UCP2: variants seen among roughly 807,000 people sequenced by gnomAD.
UCP2 encodes dicarboxylate carrier SLC25A8.
In UCP2, 27 loss-of-function variants were observed where a neutral mutation model predicts 31.3. The ratio of observed to expected loss-of-function variants is 0.86; its 90% confidence interval spans 0.64 to 1.19. The LOEUF is 1.19. UCP2 is among the 50% of genes most tolerant of loss of function. The pLI is 0.00. For missense variants in UCP2, 377 were observed against 413.5 expected, an observed-to-expected ratio of 0.91 and a Z score of 0.76; for synonymous variants, 142 against 157.4, an observed-to-expected ratio of 0.90 and a Z score of 0.73.
At position 73,976,730 on chromosome 11, in the gene UCP2, T is replaced by C. The variant is rs750203522; in HGVS notation, c.545A>G (p.Asn182Ser). 2.9e-5 allele frequency: 47 copies of C among 1,613,950 alleles called. No homozygotes were observed. The highest frequency in any genetic ancestry group is 6.7e-5 in the Admixed American group (4 of 59,990). The part of the protein sequence containing the change: ...FRGLWKGTSP[N>S]VARNAIVNCA... ...GTTGACAATGGCATTACGAGCAACA[T>C]TGGGAGAGGTCCCTGTAGGAGGAGG... Residue 182 changes from asparagine to serine, a missense_variant, in exon 6 of 8, where the codon AAT (asparagine) becomes AGT (serine). Asn to Ser is a conservative substitution (Grantham distance 46, BLOSUM62 1). Coordinates refer to ENST00000663595, the MANE Select transcript of UCP2 (RefSeq NM_003355.3).
intron 2 of UCP2, among the ~76,000 whole-genome samples, chr11:73,979,078 TG>T (rs1214935124): frequency 2.0e-5 from 3 of 152,220 alleles, no homozygotes; most frequent in African/African-American, 7.2e-5. Context: ...TGCTGGGCAG[TG>T]GTTCACTGAG....
chr11:73,982,438 A>G, intron 1 of UCP2, among the ~76,000 whole-genome samples: 1 of 152,124 alleles, frequency 6.6e-6, no homozygotes, highest in East Asian at 1.9e-4. Flanking sequence ...CACAAAAATT[A>G]GCCAGGCGTG....
Position 73,977,918 on chromosome 11 carries a change from G to C in UCP2, c.305C>G (p.Ser102Cys). 6 of 1,614,244 alleles carry C rather than the reference G, an allele frequency of 3.7e-6. No homozygotes were observed. Among genetic ancestry groups the C allele is most frequent in the Non-Finnish European group, 5.1e-6 (6 of 1,180,048 alleles). ...FASVRIGLYD[S>C]VKQFYTKGSE... is the part of the protein sequence containing the mutation. ...GCCCTTGGTGTAGAACTGTTTGACA[G>C]AATCATACAGGCCGATGCGGACAGA... The change falls in exon 4 of 8, where the codon TCT (serine) becomes TGT (cysteine). Residue 102 changes from serine (S) to cysteine (C), a missense_variant. Coordinates refer to ENST00000663595, the MANE Select transcript of UCP2 (RefSeq NM_003355.3).
Position 73,975,506 on chromosome 11 carries a change from CG to C in UCP2, c.799del (p.Arg267GlufsTer20). ...ALTMLQKEGP[R>X]AFYKGFMPSF... ...AGAGGCTCACCCTTTGTAGAAGGCTCGGGGCCCCTCCTTCTGGAGCATGGTA... is the reference window on the plus strand; with the variant it reads ...AGAGGCTCACCCTTTGTAGAAGGCTCGGGCCCCTCCTTCTGGAGCATGGTA... On this transcript the variant is annotated frameshift_variant, in exon 7 of 8. Transcript: ENST00000663595. LOFTEE classifies it high-confidence loss of function. 1.2e-6 allele frequency: 2 copies of C among 1,610,842 alleles called. No homozygotes were observed. Among genetic ancestry groups the C allele is most frequent in the South Asian group, 2.2e-5 (2 of 90,906 alleles).
At chr11:73,979,635 A>G (rs1951419072) in intron 2 of UCP2, among the ~76,000 whole-genome samples, 1 of 152,130 alleles carries the variant, frequency 6.6e-6, no homozygotes, top group South Asian at 2.1e-4. Context: ...AAGACCAGCC[A>G]GGGCAACATA....
At chr11:73,981,890 C>T (rs560376520) in intron 1 of UCP2, among the ~76,000 whole-genome samples, 1 of 152,098 alleles carries the variant, frequency 6.6e-6, no homozygotes, top group Admixed American at 6.5e-5. Flanking sequence ...ATAAGCACCC[C>T]CTAGCACAGT....
upstream of UCP2, chr11:73,982,871 T>G (rs1235412547): frequency 6.6e-6 from 1 of 151,454 alleles, no homozygotes; most frequent in Non-Finnish European, 1.5e-5. Context: ...GCGGCGCGGC[T>G]TAAGCCTCGG....
intron 2 of UCP2, chr11:73,980,969 T>C (rs899285452): frequency 2.0e-5 from 3 of 152,164 alleles, no homozygotes; most frequent in Non-Finnish European, 4.4e-5. Flanking sequence ...TCAGCTGCCA[T>C]ATTCTGAATG....
At chr11:73,978,763 C>T (rs1951404343) in intron 2 of UCP2, 1 of 340,384 alleles carries the variant, frequency 2.9e-6, no homozygotes, top group South Asian at 2.3e-5. Flanking sequence ...ACTGGACCAG[C>T]CCTTTGTCTG....
At chr11:73,978,581 AG>A in intron 2 of UCP2, 104 bp from the exon 3 acceptor site, 1 of 704,534 alleles carries the variant, frequency 1.4e-6, no homozygotes, top group South Asian at 1.8e-5. Context: ...TCCCTCAGCA[AG>A]ACTCCAAGTG....
chr11:73,980,729 T>C (rs17132534), intron 2 of UCP2: 12,871 of 152,302 alleles, frequency 0.085, 851 homozygotes, highest in African/African-American at 0.18. Flanking sequence ...CAGTTCGTTC[T>C]TGCTGTTTTA....
chr11:73,977,539 CCTGGCTCTCTACTGTGTGTTTT>C (rs1190488627), intron 4 of UCP2, among the ~76,000 whole-genome samples: 2 of 152,182 alleles, frequency 1.3e-5, no homozygotes, highest in Admixed American at 6.5e-5. Context: ...AGACGAGTGT[CCTGGCTCTCTACTGTGTGTTTT>C]CTGGCTCTCT....
chr11:73,978,224 A>G, intron 3 of UCP2, 29 bp downstream of exon 3: 13 of 1,614,130 alleles, frequency 8.1e-6, no homozygotes, highest in South Asian at 1.1e-5. Flanking sequence ...AGTAGACACC[A>G]TCAAGACTCC....
In UCP2 at chr11:73,976,754, G is replaced by GGAA. The variant is rs1951352987; in HGVS notation, c.533-15_533-13dup. The GGAA allele has an allele frequency of 6.2e-7, 1 of 1,614,106 alleles. No individual in the cohort carries two copies. The highest frequency in any genetic ancestry group is 1.3e-5 in the African/African-American group (1 of 74,942). On this transcript the variant is annotated splice_polypyrimidine_tract_variant and intron_variant, in intron 5 of 7. Transcript: ENST00000663595. ...ATTGGGAGAGGTCCCTGTAGGAGGA[G>GGAA]GAAGATCCTGGGTGAGACCAGAGTA...
At position 73,975,481 on chromosome 11, in the gene UCP2, A is replaced by G. The variant is rs1284479254; in HGVS notation, c.815+10T>C. Reference sequence around the variant, plus strand: ...AGGCCTGAACTGGGTGGGGAGGACCAGAGGCTCACCCTTTGTAGAAGGCTC... The same window carrying G: ...AGGCCTGAACTGGGTGGGGAGGACCGGAGGCTCACCCTTTGTAGAAGGCTC... On this transcript the variant is annotated intron_variant, in intron 7 of 7. Transcript: ENST00000663595. The G allele has an allele frequency of 6.8e-6, 11 of 1,605,858 alleles. No homozygotes were observed. The highest frequency in any genetic ancestry group is 9.4e-6 in the Non-Finnish European group (11 of 1,175,282).
chr11:73,977,815 C>A, intron 4 of UCP2, 71 bp downstream of exon 4: 2 of 1,599,050 alleles, frequency 1.3e-6, no homozygotes, highest in Non-Finnish European at 1.7e-6. Context: ...AACTATATGG[C>A]TGAATGAACT....
chr11:73,982,270 G>T (rs924732280), intron 1 of UCP2, among the ~76,000 whole-genome samples: 4 of 152,222 alleles, frequency 2.6e-5, no homozygotes, highest in Non-Finnish European at 5.9e-5. Context: ...AGAGAGAAGA[G>T]AAATAAAGAA....
At position 73,979,363 on chromosome 11, in the gene UCP2, A is replaced by G. The variant is rs553383172; in HGVS notation, c.-99-886T>C. ...GGAGTTTGAGACCAGCTTGGCCAAC[A>G]TGGCAAAACCCCATCTCCGCTAAAA... On this transcript the variant is annotated intron_variant, in intron 2 of 7. Coordinates refer to ENST00000663595, the MANE Select transcript of UCP2 (RefSeq NM_003355.3). 1.1e-4 allele frequency among the ~76,000 whole-genome samples: 17 copies of G among 152,366 alleles called. No homozygotes were observed. In the South Asian group the frequency reaches 3.1e-3, roughly 28 times the overall value.
intron 2 of UCP2, chr11:73,979,830 A>C (rs1359295227): frequency 6.6e-6 from 1 of 150,940 alleles, no homozygotes; most frequent in African/African-American, 2.5e-5. Flanking sequence ...AAAAAAAAAA[A>C]ACAAACCCCA....
Sources: allele counts gnomAD v4.1 joint callset (sites outside exome capture counted in the v4.1 genomes callset), GRCh38; gene constraint gnomAD v4.1.1; transcripts MANE v1.5; gene names NCBI Gene and HGNC (gene_info 2026-07-23, HGNC 2026-07-21).